The following ROR2 variants were observed in gnomAD, a reference collection of about 807,000 sequenced individuals.
ROR2 encodes the protein ROR family WNT receptor 2, also known as tyrosine-protein kinase transmembrane receptor ROR2.
In ROR2, 33 loss-of-function variants were observed where a neutral mutation model predicts 74.9. The observed-to-expected ratio is 0.44, with a 90% confidence interval of 0.33 to 0.59. ROR2 has a LOEUF of 0.59. Among genes scored for constraint, ROR2 ranks in the 20% least tolerant of loss-of-function variants. The pLI, the probability that ROR2 is intolerant of heterozygous loss-of-function variation, is 0.02. For missense variants in ROR2, 1,216 were observed against 1,313.8 expected (o/e 0.93, Z 1.15); for synonymous variants, 586 against 558.7 (o/e 1.05, Z -0.69).
At chr9:91,786,354 GTAAATAAATAAATAAA>G (rs35820427) in intron 1 of ROR2, among the ~76,000 whole-genome samples, 3 of 148,598 alleles carry the variant, frequency 2.0e-5, no homozygotes, top group Non-Finnish European at 4.5e-5. Context: ...CAATCAATAA[GTAAATAAATAAATAAA>G]TAAATAAATA....
intron 1 of ROR2, among the ~76,000 whole-genome samples, chr9:91,882,112 T>C (rs572943226): frequency 2.0e-5 from 3 of 152,034 alleles, no homozygotes; most frequent in East Asian, 1.9e-4. Flanking sequence ...GCTCAGTCTA[T>C]AGAACTAGCC....
chr9:91,747,182 G>A (rs925912737), intron 4 of ROR2, among the ~76,000 whole-genome samples: 3 of 152,144 alleles, frequency 2.0e-5, no homozygotes, highest in Admixed American at 6.5e-5. Flanking sequence ...CCCGGGCCTC[G>A]GAAGGTCCAT....
chr9:91,831,394 A>T (rs1158037542), intron 1 of ROR2, among the ~76,000 whole-genome samples: 1 of 152,200 alleles, frequency 6.6e-6, no homozygotes, highest in Non-Finnish European at 1.5e-5. Flanking sequence ...GGAAGGGACC[A>T]GCCGCGTTTG....
At chr9:91,737,301 A>T in intron 5 of ROR2, 90 bp downstream of exon 5, 5 of 1,549,134 alleles carry the variant, frequency 3.2e-6, no homozygotes, top group Non-Finnish European at 4.4e-6. Flanking sequence ...TGACCATGCC[A>T]TTAACTGATG....
intron 1 of ROR2, among the ~76,000 whole-genome samples, chr9:91,917,602 C>T (rs1831168784): frequency 6.6e-6 from 1 of 152,186 alleles, no homozygotes; most frequent in South Asian, 2.1e-4. Flanking sequence ...GTTGGCCAAC[C>T]CTCCCCACAG....
At chr9:91,861,412 C>T (rs1436713454) in intron 1 of ROR2, among the ~76,000 whole-genome samples, 1 of 152,192 alleles carries the variant, frequency 6.6e-6, no homozygotes, top group Non-Finnish European at 1.5e-5. Context: ...AATTAACATA[C>T]AGATCTACAG....
chr9:91,768,499 C>T (rs1826127007), intron 2 of ROR2, among the ~76,000 whole-genome samples: 1 of 152,166 alleles, frequency 6.6e-6, no homozygotes, highest in African/African-American at 2.4e-5. Context: ...ATCCAGCAAG[C>T]TCAGGAAGAA....
At chr9:91,727,468 G>T (rs1355840619) in intron 7 of ROR2, among the ~76,000 whole-genome samples, 2 of 151,862 alleles carry the variant, frequency 1.3e-5, no homozygotes, top group Admixed American at 1.3e-4. Context: ...TTACAGAAAG[G>T]TACAGGGGGC....
chr9:91,895,851 A>T (rs1001795606), intron 1 of ROR2, among the ~76,000 whole-genome samples: 1 of 152,232 alleles, frequency 6.6e-6, no homozygotes, highest in Non-Finnish European at 1.5e-5. Flanking sequence ...CTCAAAAAAG[A>T]AAAAAGAAAT....
intron 1 of ROR2, among the ~76,000 whole-genome samples, chr9:91,916,520 T>C (rs923149268): frequency 1.3e-5 from 2 of 152,112 alleles, no homozygotes; most frequent in African/African-American, 4.8e-5. Flanking sequence ...CCTGGCAACT[T>C]CCCCTGGACT....
chr9:91,783,367 G>A (rs1470895963), intron 1 of ROR2, among the ~76,000 whole-genome samples: 1 of 152,072 alleles, frequency 6.6e-6, no homozygotes, highest in African/African-American at 2.4e-5. Context: ...ACAATGGCAA[G>A]GCTCAGCCTC....
chr9:91,942,464 G>A (rs141414060), intron 1 of ROR2, among the ~76,000 whole-genome samples: 222 of 152,134 alleles, frequency 1.5e-3, no homozygotes, highest in Middle Eastern at 6.8e-3. Flanking sequence ...CATTCATGAC[G>A]CCTGCCCAAA....
intron 1 of ROR2, among the ~76,000 whole-genome samples, chr9:91,815,771 C>T (rs1023616282): frequency 4.6e-5 from 7 of 152,180 alleles, no homozygotes; most frequent in African/African-American, 1.7e-4. Context: ...GTCCCAAGGC[C>T]CTTCTCAGTT....
At position 91,756,099 on chromosome 9, in the gene ROR2, G is replaced by C. The variant is rs1825741840; in HGVS notation, c.466C>G (p.Pro156Ala). The change falls in exon 4 of 9, where the codon CCA (proline) becomes GCA (alanine). Residue 156 changes from proline (P) to alanine (A), a missense_variant and splice_region_variant. Physicochemically the swap from Pro to Ala is conservative, Grantham distance 27. Transcript: ENST00000375708. ...ATGVLFVRLGPTHSPNHNFQD... is the reference protein window; with the variant it reads ...ATGVLFVRLGATHSPNHNFQD... ...AAGTTATGATTTGGGCTGTGCGTTGGACCTAAAAAGAGGAAACAAAAAGAC... is the reference window on the plus strand; with the variant it reads ...AAGTTATGATTTGGGCTGTGCGTTGCACCTAAAAAGAGGAAACAAAAAGAC... 6.2e-7 allele frequency: 1 copy of C among 1,613,694 alleles called. No homozygotes were observed. Among genetic ancestry groups the C allele is most frequent in the Non-Finnish European group, 8.5e-7 (1 of 1,179,750 alleles).
At chr9:91,830,858 A>T (rs904703566) in intron 1 of ROR2, among the ~76,000 whole-genome samples, 6 of 133,832 alleles carry the variant, frequency 4.5e-5, no homozygotes, top group African/African-American at 1.8e-4. Flanking sequence ...GTGTGTGTAG[A>T]GAAACTCAAG....
chr9:91,882,837 G>T (rs999325619), intron 1 of ROR2, among the ~76,000 whole-genome samples: 1 of 152,120 alleles, frequency 6.6e-6, no homozygotes, highest in Admixed American at 6.6e-5. Context: ...AAGGAGAAAG[G>T]CAGGAGAAGT....
intron 1 of ROR2, among the ~76,000 whole-genome samples, chr9:91,865,284 T>C (rs1257088290): frequency 6.6e-6 from 1 of 152,210 alleles, no homozygotes; most frequent in East Asian, 1.9e-4. Flanking sequence ...TCGGTTACAG[T>C]GACGCCTCTC....
At chr9:91,820,856 C>G (rs1828120012) in intron 1 of ROR2, among the ~76,000 whole-genome samples, 1 of 152,132 alleles carries the variant, frequency 6.6e-6, no homozygotes, top group Non-Finnish European at 1.5e-5. Flanking sequence ...AATCCCAGCG[C>G]TTTGGGAGGC....
Position 91,787,792 on chromosome 9 carries a change from T to A in ROR2, c.98-11974A>T, listed in dbSNP as rs1315554570. On this transcript the variant is annotated intron_variant, in intron 1 of 8. Coordinates refer to ENST00000375708, the MANE Select transcript of ROR2 (RefSeq NM_004560.4). ...CCAGGAAACAAGAAAGTATGTCACATGCACAGAATGGGGGGGAGAAAGTGG... is the reference window on the plus strand; with the variant it reads ...CCAGGAAACAAGAAAGTATGTCACAAGCACAGAATGGGGGGGAGAAAGTGG... Among the ~76,000 whole-genome samples the A allele has an allele frequency of 2.0e-5, 3 of 150,676 alleles. No individual in the cohort carries two copies. The East Asian group carries it at 6.2e-4, about 31-fold the overall frequency.
Sources: allele counts gnomAD v4.1 joint callset (sites outside exome capture counted in the v4.1 genomes callset), GRCh38; gene constraint gnomAD v4.1.1; transcripts MANE v1.5; gene names NCBI Gene and HGNC (gene_info 2026-07-23, HGNC 2026-07-21).